The following SLC9A9 variants were observed in gnomAD, a reference collection of about 807,000 sequenced individuals.
SLC9A9 encodes the protein solute carrier family 9 member A9, also known as sodium/hydrogen exchanger 9.
In SLC9A9, 62 loss-of-function variants were observed where a neutral mutation model predicts 77.8. The ratio of observed to expected loss-of-function variants is 0.80; its 90% CI spans 0.65 to 0.98. The LOEUF is 0.98. Ranked by LOEUF, SLC9A9 falls within the 50% of genes least tolerant of loss-of-function variation. The pLI, the probability that SLC9A9 is intolerant of heterozygous loss-of-function variation, is 0.00. For synonymous variants in SLC9A9, 320 were observed against 283.5 expected, an observed-to-expected ratio of 1.13 and a Z score of -1.29; for missense variants, 775 against 774.9, an observed-to-expected ratio of 1.00 and a Z score of 0.00.
At chr3:143,809,105 A>G (rs1434134890) in intron 2 of SLC9A9, among the ~76,000 whole-genome samples, 1 of 152,196 alleles carries the variant, frequency 6.6e-6, no homozygotes, top group East Asian at 1.9e-4. Flanking sequence ...GAAAGTTTTT[A>G]GCATAGAGAT....
At chr3:143,340,084 T>C (rs79395877) in intron 14 of SLC9A9, among the ~76,000 whole-genome samples, 7,758 of 152,280 alleles carry the variant, frequency 0.051, 264 homozygotes, top group Non-Finnish European at 0.079. Context: ...TTGATTAAAC[T>C]GATGTTAGAA....
At chr3:143,700,223 G>A (rs770365730) in intron 4 of SLC9A9, among the ~76,000 whole-genome samples, 2 of 152,150 alleles carry the variant, frequency 1.3e-5, no homozygotes, top group Non-Finnish European at 1.5e-5. Flanking sequence ...GTGAGACTCT[G>A]AGACTTGCTG....
At chr3:143,845,335 T>G (rs1044069246) in intron 1 of SLC9A9, among the ~76,000 whole-genome samples, 1 of 152,194 alleles carries the variant, frequency 6.6e-6, no homozygotes, top group Admixed American at 6.5e-5. Context: ...TCCTTTCCCC[T>G]ATCATTAAAA....
chr3:143,410,891 T>G (rs1450775362), intron 12 of SLC9A9, among the ~76,000 whole-genome samples: 1 of 152,224 alleles, frequency 6.6e-6, no homozygotes, highest in Admixed American at 6.5e-5. Flanking sequence ...ATTTTCCTAT[T>G]ATTCAAGAGA....
At chr3:143,644,591 G>T (rs920374704) in intron 6 of SLC9A9, among the ~76,000 whole-genome samples, 2 of 152,154 alleles carry the variant, frequency 1.3e-5, no homozygotes, top group African/African-American at 4.8e-5. Flanking sequence ...GCAGCACACC[G>T]AGCACACAAC....
At chr3:143,592,673 A>T (rs1425506173) in intron 6 of SLC9A9, among the ~76,000 whole-genome samples, 1 of 152,182 alleles carries the variant, frequency 6.6e-6, no homozygotes, top group Non-Finnish European at 1.5e-5. Flanking sequence ...AGCATACATT[A>T]ATTTATGGCC....
At chr3:143,841,544 T>G (rs2009706845) in intron 1 of SLC9A9, among the ~76,000 whole-genome samples, 2 of 152,186 alleles carry the variant, frequency 1.3e-5, no homozygotes, top group Non-Finnish European at 2.9e-5. Flanking sequence ...TAACATTAAT[T>G]CAATGTAGAT....
intron 4 of SLC9A9, among the ~76,000 whole-genome samples, chr3:143,699,944 G>C (rs1194218785): frequency 6.6e-6 from 1 of 151,800 alleles, no homozygotes; most frequent in Non-Finnish European, 1.5e-5. Context: ...TGCTTGAGGA[G>C]AGGAGAGAGA....
At chr3:143,800,667 C>T (rs776710926) in intron 2 of SLC9A9, among the ~76,000 whole-genome samples, 4 of 152,174 alleles carry the variant, frequency 2.6e-5, no homozygotes, top group Non-Finnish European at 5.9e-5. Flanking sequence ...CAGGGACAGC[C>T]CTCATTACTT....
chr3:143,438,963 T>C (rs1177111506), intron 12 of SLC9A9, among the ~76,000 whole-genome samples: 1 of 152,248 alleles, frequency 6.6e-6, no homozygotes, highest in Non-Finnish European at 1.5e-5. Flanking sequence ...TGTTCATTTG[T>C]TGATTTGGTC....
In SLC9A9 at chr3:143,626,151, C is replaced by A. The variant is rs568224653; in HGVS notation, c.755+26104G>T. ...GAGAGGATGTGGAGAAATAGGAACA[C>A]TTTTATGCTGTTGGTGGGACTGTAA... On this transcript the variant is annotated intron_variant, in intron 6 of 15. Transcript: ENST00000316549. 2.9e-3 allele frequency among the ~76,000 whole-genome samples: 446 copies of A among 152,232 alleles called. 1 individual carries two copies. Among genetic ancestry groups the A allele is most frequent in the African/African-American group, 8.8e-3 (367 of 41,480 alleles).
At chr3:143,842,401 A>C (rs986271600) in intron 1 of SLC9A9, among the ~76,000 whole-genome samples, 5 of 152,010 alleles carry the variant, frequency 3.3e-5, no homozygotes, top group Admixed American at 3.3e-4. Context: ...ACAAACAAAC[A>C]AAAACCCCCA....
In SLC9A9 at chr3:143,295,621, C is replaced by A. The variant is rs537644204; in HGVS notation, c.1605-26641G>T. 2.6e-5 allele frequency among the ~76,000 whole-genome samples: 4 copies of A among 152,316 alleles called. No homozygotes were observed. In the South Asian group the frequency reaches 6.2e-4, roughly 24 times the overall value. ...AAAGAAAGGTTGCCCCTATCACGAACCCACAGAGGATGTCATTAACTGACA... is the reference window on the plus strand; with the variant it reads ...AAAGAAAGGTTGCCCCTATCACGAAACCACAGAGGATGTCATTAACTGACA... On this transcript the variant is annotated intron_variant, in intron 14 of 15. Coordinates refer to ENST00000316549, the MANE Select transcript of SLC9A9 (RefSeq NM_173653.4).
At chr3:143,772,213 T>A (rs1199452867) in intron 4 of SLC9A9, among the ~76,000 whole-genome samples, 1 of 151,976 alleles carries the variant, frequency 6.6e-6, no homozygotes. Context: ...AAATCCAGAG[T>A]ATATCACCTC....
At chr3:143,749,409 C>T (rs1330246332) in intron 4 of SLC9A9, among the ~76,000 whole-genome samples, 1 of 152,194 alleles carries the variant, frequency 6.6e-6, no homozygotes, top group Non-Finnish European at 1.5e-5. Flanking sequence ...GAAAAGGCCA[C>T]AGCATCGAAC....
chr3:143,316,784 A>C (rs2031229152), intron 14 of SLC9A9, among the ~76,000 whole-genome samples: 1 of 152,212 alleles, frequency 6.6e-6, no homozygotes, highest in Admixed American at 6.5e-5. Flanking sequence ...GACAATATTA[A>C]GAGCAAATTC....
chr3:143,737,096 G>A (rs897715187), intron 4 of SLC9A9, among the ~76,000 whole-genome samples: 2 of 152,070 alleles, frequency 1.3e-5, no homozygotes, highest in Admixed American at 6.6e-5. Context: ...TAGACTTCAT[G>A]CCACATTAAT....
intron 4 of SLC9A9, among the ~76,000 whole-genome samples, chr3:143,743,032 C>T (rs1329938617): frequency 3.3e-5 from 5 of 152,054 alleles, no homozygotes; most frequent in African/African-American, 1.2e-4. Flanking sequence ...AGGGCTGTGC[C>T]AATTTATGCC....
chr3:143,355,252 A>G (rs991391619), intron 14 of SLC9A9, among the ~76,000 whole-genome samples: 13 of 152,260 alleles, frequency 8.5e-5, no homozygotes, highest in African/African-American at 2.9e-4. Flanking sequence ...TTACAAGTAT[A>G]TAAAATAATG....
Sources: allele counts gnomAD v4.1 joint callset (sites outside exome capture counted in the v4.1 genomes callset), GRCh38; gene constraint gnomAD v4.1.1; transcripts MANE v1.5; gene names NCBI Gene and HGNC (gene_info 2026-07-23, HGNC 2026-07-21).